Variants in ZCCHC7 observed in about 807,000 individuals in gnomAD.
ZCCHC7 encodes zinc finger CCHC domain-containing protein 7.
ZCCHC7 carries 35 observed loss-of-function variants against 52.0 expected under a neutral mutation model. That is an observed-to-expected ratio of 0.67 (90% CI 0.51 to 0.89). The LOEUF is 0.89. Ranked by LOEUF, ZCCHC7 falls within the 40% of genes least tolerant of loss-of-function variation. The pLI is 0.00. For missense variants in ZCCHC7, 574 were observed against 649.1 expected (o/e 0.88, Z 1.26); for synonymous variants, 217 against 221.5 (o/e 0.98, Z 0.18).
intron 6 of ZCCHC7, among the ~76,000 whole-genome samples, chr9:37,330,760 TA>T (rs1035340243): frequency 6.6e-6 from 1 of 151,544 alleles, no homozygotes; most frequent in Non-Finnish European, 1.5e-5. Flanking sequence ...TCATTCTAGA[TA>T]AAAATTTCCC....
intron 1 of ZCCHC7, 198 bp downstream of exon 1, chr9:37,120,821 AG>A (rs1842278962): frequency 3.7e-6 from 1 of 269,800 alleles, no homozygotes; most frequent in East Asian, 5.7e-5. Context: ...CTGCGGGTCT[AG>A]GGGGTCCGCG....
At position 37,267,858 on chromosome 9, in the gene ZCCHC7, C is replaced by T. The variant is rs899908970; in HGVS notation, c.611-34330C>T. On this transcript the variant is annotated intron_variant, in intron 2 of 8. Transcript: ENST00000336755. The stretch of plus-strand genomic sequence containing the variant: ...TGCTGAGATTACAGGCGTGAGCCAC[C>T]GCGCCCGGCCTAATTTTTTCATTTT... 9.9e-5 allele frequency among the ~76,000 whole-genome samples: 15 copies of T among 152,030 alleles called. No individual in the cohort carries two copies. In the South Asian group the frequency reaches 1.2e-3, roughly 13 times the overall value.
intron 2 of ZCCHC7, among the ~76,000 whole-genome samples, chr9:37,161,870 A>G (rs1329467751): frequency 6.6e-6 from 1 of 152,196 alleles, no homozygotes; most frequent in Non-Finnish European, 1.5e-5. Flanking sequence ...CTTGAGCTGT[A>G]ACAGGTGGAC....
intron 2 of ZCCHC7, among the ~76,000 whole-genome samples, chr9:37,247,736 C>T (rs1004759041): frequency 1.3e-5 from 2 of 151,712 alleles, no homozygotes; most frequent in Non-Finnish European, 2.9e-5. Context: ...CAGGGAGACC[C>T]CATCTCTAGA....
At chr9:37,175,996 A>T (rs928781959) in intron 2 of ZCCHC7, among the ~76,000 whole-genome samples, 1 of 152,182 alleles carries the variant, frequency 6.6e-6, no homozygotes, top group African/African-American at 2.4e-5. Context: ...AATTAGTGTA[A>T]TGGTTGAATA....
At chr9:37,145,840 G>A (rs959450660) in intron 2 of ZCCHC7, among the ~76,000 whole-genome samples, 39 of 151,838 alleles carry the variant, frequency 2.6e-4, no homozygotes, top group African/African-American at 9.4e-4. Context: ...AAATTGAATT[G>A]GAGATGCTGA....
At chr9:37,240,956 A>C (rs966925647) in intron 2 of ZCCHC7, among the ~76,000 whole-genome samples, 16 of 151,978 alleles carry the variant, frequency 1.1e-4, no homozygotes, top group African/African-American at 3.6e-4. Flanking sequence ...AATACTATTG[A>C]AATTTTATAA....
intron 2 of ZCCHC7, among the ~76,000 whole-genome samples, chr9:37,146,605 A>G (rs1843445252): frequency 6.6e-6 from 1 of 151,990 alleles, no homozygotes; most frequent in Non-Finnish European, 1.5e-5. Context: ...ATTCAGTGGT[A>G]ACTTCCTCAT....
chr9:37,191,095 A>G (rs957545306), intron 2 of ZCCHC7, among the ~76,000 whole-genome samples: 1 of 152,146 alleles, frequency 6.6e-6, no homozygotes, highest in Admixed American at 6.5e-5. Flanking sequence ...TACACCTTTT[A>G]TGGGTGCAAC....
chr9:37,268,236 C>T (rs1214209064), intron 2 of ZCCHC7, among the ~76,000 whole-genome samples: 2 of 152,044 alleles, frequency 1.3e-5, no homozygotes, highest in Non-Finnish European at 2.9e-5. Flanking sequence ...CTAATGTGCT[C>T]TCAAAACCAA....
At chr9:37,239,367 A>G (rs1225274827) in intron 2 of ZCCHC7, among the ~76,000 whole-genome samples, 3 of 152,130 alleles carry the variant, frequency 2.0e-5, no homozygotes, top group South Asian at 2.1e-4. Context: ...TCTTATTACA[A>G]TGCGTTTGCT....
chr9:37,161,284 A>G (rs13328464), intron 2 of ZCCHC7, among the ~76,000 whole-genome samples: 4,716 of 152,184 alleles, frequency 0.031, 172 homozygotes, highest in African/African-American at 0.078. Context: ...GTGTTAAAAT[A>G]TAAGTGGCAG....
At chr9:37,230,479 C>T (rs1825345457) in intron 2 of ZCCHC7, among the ~76,000 whole-genome samples, 1 of 151,872 alleles carries the variant, frequency 6.6e-6, no homozygotes, top group African/African-American at 2.4e-5. Flanking sequence ...CAAGATCTCA[C>T]TTTTGTTGGG....
chr9:37,144,011 T>C (rs1267492887), intron 2 of ZCCHC7, among the ~76,000 whole-genome samples: 1 of 151,850 alleles, frequency 6.6e-6, no homozygotes, highest in East Asian at 1.9e-4. Flanking sequence ...TCTGTTGGCT[T>C]TCAGTATTCA....
intron 7 of ZCCHC7, among the ~76,000 whole-genome samples, chr9:37,350,068 G>A (rs565727583): frequency 1.2e-3 from 183 of 151,168 alleles, no homozygotes; most frequent in South Asian, 4.6e-3. Flanking sequence ...GATTACAGGC[G>A]TGAGCTACCA....
At chr9:37,268,822 C>T (rs1159247370) in intron 2 of ZCCHC7, among the ~76,000 whole-genome samples, 2 of 152,210 alleles carry the variant, frequency 1.3e-5, no homozygotes, top group East Asian at 3.8e-4. Context: ...AGGGTGCCAT[C>T]ACCTTCACTA....
At chr9:37,297,636 A>G (rs554185377) in intron 2 of ZCCHC7, among the ~76,000 whole-genome samples, 1 of 152,336 alleles carries the variant, frequency 6.6e-6, no homozygotes, top group Non-Finnish European at 1.5e-5. Context: ...AGAAGGAGCT[A>G]TATGGAAATT....
Position 37,126,358 on chromosome 9 carries a change from T to G in ZCCHC7, c.26T>G (p.Ile9Arg), listed in dbSNP as rs981760851. Residue 9 changes from isoleucine to arginine, a missense_variant, in exon 2 of 9, where the codon ATA becomes AGA. Ile to Arg is a moderately conservative substitution (Grantham distance 97). Transcript: ENST00000336755. Reference sequence around the variant, plus strand: ...ATGATGTTTGGTGGCTATGAGACTATAGAAGCATACGAAGATGATCTTTAT... The same window carrying G: ...ATGATGTTTGGTGGCTATGAGACTAGAGAAGCATACGAAGATGATCTTTAT... MMFGGYETIEAYEDDLYRD... is the reference protein window; with the variant it reads MMFGGYETREAYEDDLYRD... The G allele has an allele frequency of 6.2e-7, 1 of 1,613,794 alleles. No individual in the cohort carries two copies. The highest frequency in any genetic ancestry group is 1.7e-5 in the Admixed American group (1 of 59,998).
rs73450428 is a variant in ZCCHC7, at chr9:37,292,491, A to G, written c.611-9697A>G. Among the ~76,000 whole-genome samples, 665 of 152,332 alleles carry G rather than the reference A, an allele frequency of 4.4e-3. 3 individuals carry two copies. The highest frequency in any genetic ancestry group is 0.015 in the African/African-American group (636 of 41,572). The stretch of plus-strand genomic sequence containing the variant: ...AATGTACTTCATTCACTACATAGTC[A>G]TTATATAAATTGAATATAAATTTAA... On this transcript the variant is annotated intron_variant, in intron 2 of 8. Coordinates refer to ENST00000336755, the MANE Select transcript of ZCCHC7 (RefSeq NM_032226.3).
Sources: gnomAD v4.1 joint callset for allele counts (sites outside exome capture counted in the v4.1 genomes callset) on GRCh38, gnomAD v4.1.1 for gene constraint, MANE v1.5 for transcripts, NCBI Gene and HGNC (gene_info 2026-07-23, HGNC 2026-07-21) for gene names.